Variants in SIDT1 observed in about 807,000 individuals in gnomAD.
The protein encoded by SIDT1 is SID1 transmembrane family, member 1.
A neutral mutation model predicts 107.5 loss-of-function variants in SIDT1; 101 were observed. That is an observed-to-expected ratio of 0.94 (90% CI 0.80 to 1.11). The LOEUF (loss-of-function observed/expected upper bound fraction) is 1.11. Among genes scored for constraint, SIDT1 ranks in the 50% least tolerant of loss-of-function variants. The probability of loss-of-function intolerance (pLI) is 0.00; values close to 1 mark genes in which losing one functional copy is unlikely to be tolerated. For synonymous variants in SIDT1, 395 were observed against 398.2 expected (o/e 0.99, Z 0.10); for missense variants, 1,076 against 1,058.2 (o/e 1.02, Z -0.23).
Position 113,574,714 on chromosome 3 carries a change from T to G in SIDT1, c.516-2208T>G, listed in dbSNP as rs546296439. On this transcript the variant is annotated intron_variant, in intron 3 of 24. Coordinates refer to ENST00000264852, the MANE Select transcript of SIDT1 (RefSeq NM_017699.3). ...CCCCCATCTCTCAAGTCCATGGGTT[T>G]CTTCTCCCTTCTCCCTTTTCTTGAA... Among the ~76,000 whole-genome samples the G allele has an allele frequency of 2.6e-4, 39 of 152,260 alleles. No homozygotes were observed. The South Asian group carries it at 8.1e-3, about 32-fold the overall frequency.
chr3:113,595,469 C>T (rs912798702), intron 10 of SIDT1, among the ~76,000 whole-genome samples: 2 of 151,956 alleles, frequency 1.3e-5, no homozygotes, highest in African/African-American at 4.8e-5. Flanking sequence ...GCTCCAGCTA[C>T]TTCGGAGGCT....
Position 113,604,949 on chromosome 3 carries a change from G to A in SIDT1, c.1377G>A (p.Val459=), listed in dbSNP as rs1945216342. 2 of 1,613,916 alleles carry A rather than the reference G, an allele frequency of 1.2e-6. No homozygotes were observed. The highest frequency in any genetic ancestry group is 1.3e-5 in the African/African-American group (1 of 74,916). ...ITIAVFYALP[V]IQLVITYQTV... is the part of the protein sequence containing the mutation. ...TTGCTGTGTTTTACGCGCTGCCCGT[G>A]ATCCAGCTGGTCATTACCTATCAGA... The change falls in exon 14 of 25, where the codon GTG becomes GTA. Residue 459 remains valine, a synonymous_variant. Transcript: ENST00000264852.
At chr3:113,633,307 T>C (rs1376847290), downstream of SIDT1, among the ~76,000 whole-genome samples, 3 of 152,176 alleles carry the variant, frequency 2.0e-5, no homozygotes, top group Non-Finnish European at 4.4e-5. Context: ...AGAAATAGGC[T>C]TCTTGCTGAG....
intron 1 of SIDT1, among the ~76,000 whole-genome samples, chr3:113,543,240 C>T (rs1045720887): frequency 1.3e-5 from 2 of 152,054 alleles, no homozygotes; most frequent in Non-Finnish European, 2.9e-5. Context: ...CACGCCCAGC[C>T]CAATTAGTTA....
rs1326816494 is a variant in SIDT1 at position 113,627,670 on chromosome 3, C to G, written c.2446C>G (p.Leu816Val). 1.9e-6 allele frequency: 3 copies of G among 1,613,938 alleles called. No homozygotes were observed. Among genetic ancestry groups the G allele is most frequent in the Non-Finnish European group, 2.5e-6 (3 of 1,180,018 alleles). ...FLVLLTLDDDLDVVRRDQIPV... is the reference protein window; with the variant it reads ...FLVLLTLDDDVDVVRRDQIPV... Reference sequence around the variant, plus strand: ...GGTTTTGTTAACTTTGGATGATGACCTTGATGTGGTTCGGAGAGACCAGAT... The same window carrying G: ...GGTTTTGTTAACTTTGGATGATGACGTTGATGTGGTTCGGAGAGACCAGAT... The change falls in exon 25 of 25, where the codon CTT becomes GTT. Residue 816 changes from leucine to valine, a missense_variant. Leu to Val is a conservative substitution (Grantham distance 32). Coordinates refer to ENST00000264852, the MANE Select transcript of SIDT1 (RefSeq NM_017699.3).
chr3:113,586,944 T>G (rs1943785865), intron 9 of SIDT1, among the ~76,000 whole-genome samples: 1 of 152,174 alleles, frequency 6.6e-6, no homozygotes, highest in African/African-American at 2.4e-5. Context: ...CTGATCTCAA[T>G]CAGGATCTTA....
Position 113,607,048 on chromosome 3 carries a change from A to G in SIDT1, c.1412A>G (p.Asn471Ser), listed in dbSNP as rs775971419. The G allele has an allele frequency of 1.2e-6, 2 of 1,609,804 alleles. No individual in the cohort carries two copies. The highest frequency in any genetic ancestry group is 1.7e-6 in the Non-Finnish European group (2 of 1,176,088). ...QLVITYQTVV[N>S]VTGNQDICYY... is the part of the protein sequence containing the mutation. The stretch of plus-strand genomic sequence containing the variant: ...TCACTCTTGATTTTACAGGTGGTAA[A>G]TGTCACTGGCAACCAGGACATCTGT... Residue 471 changes from asparagine to serine, a missense_variant, in exon 15 of 25, where the codon AAT becomes AGT. By Grantham distance (46) the Asn-to-Ser change is conservative. Coordinates refer to ENST00000264852, the MANE Select transcript of SIDT1 (RefSeq NM_017699.3).
chr3:113,619,765 A>G (rs1946333719), intron 21 of SIDT1, 39 bp downstream of exon 21: 1 of 1,570,138 alleles, frequency 6.4e-7, no homozygotes, highest in African/African-American at 1.4e-5. Context: ...GCCTTTATTA[A>G]TGTCAGTAAC....
chr3:113,558,017 A>T (rs1288220169), intron 1 of SIDT1, among the ~76,000 whole-genome samples: 1 of 152,174 alleles, frequency 6.6e-6, no homozygotes, highest in Non-Finnish European at 1.5e-5. Context: ...TTCCATTTGC[A>T]TATGAGAGAC....
Position 113,584,749 on chromosome 3 carries a change from C to T in SIDT1, c.887C>T (p.Thr296Ile), listed in dbSNP as rs78701047. Residue 296 changes from threonine (T) to isoleucine (I), a missense_variant, in exon 8 of 25, where the codon ACC (threonine) becomes ATC (isoleucine). By Grantham distance (89) the Thr-to-Ile change is moderately conservative (BLOSUM62 -1). Coordinates refer to ENST00000264852, the MANE Select transcript of SIDT1 (RefSeq NM_017699.3). ...NLQRKKNLEVTIVPSIKESVY... is the reference protein window; with the variant it reads ...NLQRKKNLEVIIVPSIKESVY... ...CAGCGAAAAAAGAACCTTGAAGTGA[C>T]CATTGTCCCTTCCATTAAAGGTCAG... The T allele has an allele frequency of 1.9e-6, 3 of 1,594,950 alleles. No homozygotes were observed. Among genetic ancestry groups the T allele is most frequent in the Middle Eastern group, 1.7e-4 (1 of 6,020 alleles).
At chr3:113,593,088 A>T (rs779678080) in intron 10 of SIDT1, 40 bp downstream of exon 10, 1 of 1,532,814 alleles carries the variant, frequency 6.5e-7, no homozygotes, top group African/African-American at 1.4e-5. Flanking sequence ...ATGGTGTCGC[A>T]TAGTGTGGCA....
Position 113,611,008 on chromosome 3 carries a change from A to G in SIDT1, c.1721A>G (p.Asp574Gly). The change falls in exon 18 of 25, where the codon GAC becomes GGC. Residue 574 changes from aspartate (D) to glycine (G), a missense_variant and splice_region_variant. Transcript: ENST00000264852. ...TCTGGCTCCTCCTTTGGGTCCTCAG[A>G]CACCTCCTTCATGTACATGATCGCT... ...VCPNYSNFQF[D>G]TSFMYMIAGL... 1 of 1,613,382 alleles carries G rather than the reference A, an allele frequency of 6.2e-7. No individual in the cohort carries two copies. The highest frequency in any genetic ancestry group is 8.5e-7 in the Non-Finnish European group (1 of 1,179,660).
intron 10 of SIDT1, among the ~76,000 whole-genome samples, chr3:113,600,817 T>G (rs1278659653): frequency 1.3e-5 from 2 of 152,240 alleles, no homozygotes; most frequent in African/African-American, 4.8e-5. Context: ...TACTTATGGG[T>G]CAGCCCAAGA....
intron 2 of SIDT1, among the ~76,000 whole-genome samples, chr3:113,567,194 G>A (rs1007982340): frequency 1.3e-5 from 2 of 152,334 alleles, no homozygotes; most frequent in South Asian, 4.1e-4. Flanking sequence ...AGCTTGAAGA[G>A]ATGAAAATGG....
intron 10 of SIDT1, among the ~76,000 whole-genome samples, chr3:113,598,182 C>T (rs1207344630): frequency 1.3e-5 from 2 of 152,170 alleles, no homozygotes; most frequent in Non-Finnish European, 2.9e-5. Context: ...CCAGCAACAA[C>T]ATCAAAACCA....
At chr3:113,620,493 C>A (rs1174039172) in intron 21 of SIDT1, among the ~76,000 whole-genome samples, 1 of 137,622 alleles carries the variant, frequency 7.3e-6, no homozygotes, top group Non-Finnish European at 1.6e-5. Flanking sequence ...GGGTCAGTGG[C>A]CTGTGATTAA....
chr3:113,567,977 A>G, intron 3 of SIDT1: 1 of 340,200 alleles, frequency 2.9e-6, no homozygotes, highest in Non-Finnish European at 5.3e-6. Flanking sequence ...AGCCTGAAGT[A>G]TAGGCAAGAA....
downstream of SIDT1, among the ~76,000 whole-genome samples, chr3:113,631,016 C>A (rs752421312): frequency 6.6e-6 from 1 of 152,200 alleles, no homozygotes; most frequent in Non-Finnish European, 1.5e-5. Context: ...CTCATCCCTA[C>A]CCCCATCCTT....
rs377239159 is a variant in SIDT1 at position 113,567,573 on chromosome 3, C to T, written c.378C>T (p.Ser126=). ...GGAGCTACAACTATCAAGAAGTGAG[C>T]CGCACCTTATGTCCCTCAGAAGCAA... ...YQRSYNYQEV[S]RTLCPSEATN... is the part of the protein sequence containing the mutation. Residue 126 remains serine (S), a synonymous_variant, in exon 3 of 25, where the codon AGC becomes AGT. Coordinates refer to ENST00000264852, the MANE Select transcript of SIDT1 (RefSeq NM_017699.3). 3 of 1,613,904 alleles carry T rather than the reference C, an allele frequency of 1.9e-6. No homozygotes were observed. Among genetic ancestry groups the T allele is most frequent in the Non-Finnish European group, 1.7e-6 (2 of 1,179,916 alleles).
Sources: gnomAD v4.1 joint callset for allele counts (sites outside exome capture counted in the v4.1 genomes callset) on GRCh38, gnomAD v4.1.1 for gene constraint, MANE v1.5 for transcripts, NCBI Gene and HGNC (gene_info 2026-07-23, HGNC 2026-07-21) for gene names.